Variants in SHANK2 observed in about 807,000 individuals in gnomAD.
SHANK2 encodes SH3 and multiple ankyrin repeat domains protein 2.
In SHANK2, 43 loss-of-function variants were observed where a neutral mutation model predicts 133.7. The ratio of observed to expected loss-of-function variants is 0.32; its 90% confidence interval spans 0.25 to 0.41. The LOEUF is 0.41. Among genes scored for constraint, SHANK2 ranks in the 10% least tolerant of loss-of-function variants. The probability of loss-of-function intolerance (pLI) is 1.00; values close to 1 mark genes in which losing one functional copy is unlikely to be tolerated. For missense variants in SHANK2, 1,994 were observed against 2,235.8 expected (o/e 0.89, Z 2.18); for synonymous variants, 1,017 against 952.8 (o/e 1.07, Z -1.24).
At chr11:70,619,926 G>A (rs1241822430) in intron 17 of SHANK2, among the ~76,000 whole-genome samples, 1 of 152,216 alleles carries the variant, frequency 6.6e-6, no homozygotes, top group African/African-American at 2.4e-5. Context: ...GCTAACTGAT[G>A]CTCAGGGAGG....
intron 10 of SHANK2, among the ~76,000 whole-genome samples, chr11:70,950,591 C>T (rs916674424): frequency 2.5e-4 from 38 of 151,836 alleles, no homozygotes; most frequent in African/African-American, 8.7e-4. Flanking sequence ...TGCTGCCACA[C>T]CAGTGATTAA....
chr11:70,584,911 A>G lies in SHANK2; in HGVS notation c.2061+74917T>C, dbSNP rs533475230. Among the ~76,000 whole-genome samples the G allele has an allele frequency of 5.3e-5, 8 of 152,338 alleles. No homozygotes were observed. In the South Asian group the frequency reaches 1.0e-3, roughly 20 times the overall value. On this transcript the variant is annotated intron_variant, in intron 17 of 25. Coordinates refer to ENST00000601538, the MANE Select transcript of SHANK2 (RefSeq NM_012309.5). ...CAATTGTTTTGTGTCATTCCACTAC[A>G]TGTTCTGAAAAGAGTGGCAGTGCTG...
chr11:70,887,531 A>G (rs1211290949), intron 11 of SHANK2, among the ~76,000 whole-genome samples: 7 of 152,112 alleles, frequency 4.6e-5, no homozygotes, highest in Admixed American at 3.9e-4. Flanking sequence ...ACCTCAGAGC[A>G]CCCATTCATC....
At chr11:71,230,532 G>A (rs1246451672) in intron 1 of SHANK2, among the ~76,000 whole-genome samples, 7 of 149,804 alleles carry the variant, frequency 4.7e-5, no homozygotes, top group African/African-American at 7.4e-5. Flanking sequence ...TCGTGCTGCT[G>A]CACTCCAGCC....
At chr11:70,511,083 C>A (rs1159415032) in intron 17 of SHANK2, among the ~76,000 whole-genome samples, 1 of 151,564 alleles carries the variant, frequency 6.6e-6, no homozygotes, top group Non-Finnish European at 1.5e-5. Flanking sequence ...ACCTGCTCCC[C>A]GTGTGAAGGT....
chr11:71,113,482 C>T (rs1435441528), intron 4 of SHANK2, 118 bp from the exon 5 acceptor site: 2 of 863,548 alleles, frequency 2.3e-6, no homozygotes, highest in African/African-American at 3.3e-5. Flanking sequence ...CCACAGCAAA[C>T]TTCCAGTTTT....
At chr11:71,147,092 G>C in intron 3 of SHANK2, 28 bp downstream of exon 3, 1 of 1,527,536 alleles carries the variant, frequency 6.5e-7, no homozygotes, top group Non-Finnish European at 8.8e-7. Flanking sequence ...GTCCAGATGT[G>C]AACCAAAGGG....
At chr11:71,059,208 ACT>A (rs1379050545) in intron 9 of SHANK2, among the ~76,000 whole-genome samples, 1 of 152,178 alleles carries the variant, frequency 6.6e-6, no homozygotes, top group Non-Finnish European at 1.5e-5. Context: ...CAAGAGCGAA[ACT>A]CTGTCTCGAA....
Position 70,659,972 on chromosome 11 carries a change from C to G in SHANK2, c.1937-20G>C. On this transcript the variant is annotated intron_variant, in intron 16 of 25. Transcript: ENST00000601538. ...TGTCAGCTGGGAAGACAAGCAGCAC[C>G]TGGTTACAAGCCTGGGAGATGTCTT... The G allele has an allele frequency of 6.2e-7, 1 of 1,614,146 alleles. No individual in the cohort carries two copies. Among genetic ancestry groups the G allele is most frequent in the Non-Finnish European group, 8.5e-7 (1 of 1,180,024 alleles).
In SHANK2 at chr11:71,116,314, T is replaced by C. The variant is rs568923943; in HGVS notation, c.411+2515A>G. 5.3e-5 allele frequency among the ~76,000 whole-genome samples: 8 copies of C among 152,344 alleles called. No individual in the cohort carries two copies. The South Asian group carries it at 1.7e-3, about 32-fold the overall frequency. On this transcript the variant is annotated intron_variant, in intron 4 of 25. Transcript: ENST00000601538. The stretch of plus-strand genomic sequence containing the variant: ...GTGCAATCGCTGAATGATGCCAACA[T>C]GTTGTGCAGGAGTAGAAATGATCCG...
At chr11:70,502,469 C>T (rs1314583295) in intron 18 of SHANK2, among the ~76,000 whole-genome samples, 183 bp from the exon 19 acceptor site, 1 of 152,056 alleles carries the variant, frequency 6.6e-6, no homozygotes, top group Non-Finnish European at 1.5e-5. Context: ...TTGCCATATC[C>T]CTGAACTGCA....
chr11:70,806,633 T>C (rs1342216821), intron 13 of SHANK2, among the ~76,000 whole-genome samples: 1 of 152,076 alleles, frequency 6.6e-6, no homozygotes, highest in East Asian at 1.9e-4. Context: ...CCGGACCATC[T>C]ACCTGGAGAC....
At chr11:71,232,175 A>C (rs1954752101) in intron 1 of SHANK2, among the ~76,000 whole-genome samples, 1 of 152,114 alleles carries the variant, frequency 6.6e-6, no homozygotes, top group African/African-American at 2.4e-5. Flanking sequence ...GAAACGACAA[A>C]ATTACAGAGA....
chr11:70,594,564 AGAG>A (rs1248858194), intron 17 of SHANK2, among the ~76,000 whole-genome samples: 4 of 152,202 alleles, frequency 2.6e-5, no homozygotes, highest in African/African-American at 7.2e-5. Flanking sequence ...ACACACTTTT[AGAG>A]GAGAAGTAGC....
At chr11:70,915,982 C>T (rs1555079809) in intron 10 of SHANK2, among the ~76,000 whole-genome samples, 1 of 152,210 alleles carries the variant, frequency 6.6e-6, no homozygotes, top group African/African-American at 2.4e-5. Context: ...GGACACTACA[C>T]CCTCCACCTT....
chr11:70,541,936 C>T (rs1163314318), intron 17 of SHANK2, among the ~76,000 whole-genome samples: 1 of 152,196 alleles, frequency 6.6e-6, no homozygotes, highest in African/African-American at 2.4e-5. Context: ...CCATGCAAAC[C>T]AGAGAGCTCC....
At chr11:71,200,373 A>G (rs1555116893) in intron 2 of SHANK2, among the ~76,000 whole-genome samples, 1 of 152,118 alleles carries the variant, frequency 6.6e-6, no homozygotes, top group Non-Finnish European at 1.5e-5. Flanking sequence ...GCTGACAGAC[A>G]TCTGACTGAT....
At chr11:70,689,653 T>C (rs1398896375) in intron 15 of SHANK2, among the ~76,000 whole-genome samples, 7 of 151,982 alleles carry the variant, frequency 4.6e-5, no homozygotes, top group African/African-American at 1.7e-4. Context: ...CATTGAATAA[T>C]GAGAAAAAGA....
In SHANK2 at chr11:70,693,316, G is replaced by T. The variant is rs921693696; in HGVS notation, c.1853+5372C>A. ...CCCAACTCTTTTCATGAAGCACGAGGTCTTTCTCTGACATTACTGCCTCTA... is the reference window on the plus strand; with the variant it reads ...CCCAACTCTTTTCATGAAGCACGAGTTCTTTCTCTGACATTACTGCCTCTA... On this transcript the variant is annotated intron_variant, in intron 15 of 25. Coordinates refer to ENST00000601538, the MANE Select transcript of SHANK2 (RefSeq NM_012309.5). Among the ~76,000 whole-genome samples the T allele has an allele frequency of 2.6e-5, 4 of 152,336 alleles. No individual in the cohort carries two copies. In the East Asian group the frequency reaches 7.7e-4, roughly 29 times the overall value.
Sources: allele counts gnomAD v4.1 joint callset (sites outside exome capture counted in the v4.1 genomes callset), GRCh38; gene constraint gnomAD v4.1.1; transcripts MANE v1.5; gene names NCBI Gene and HGNC (gene_info 2026-07-23, HGNC 2026-07-21).